DRG2: variants seen among roughly 807,000 people sequenced by gnomAD.
The protein encoded by DRG2 is developmentally regulated GTP binding protein 2.
Under a neutral mutation model 53.4 loss-of-function variants are expected in DRG2, and 36 were observed. That is an observed-to-expected ratio of 0.67 (90% confidence interval 0.52 to 0.89). The LOEUF is 0.89. DRG2 is among the 40% of genes least tolerant of loss of function. The pLI is 0.00. For synonymous variants in DRG2, 167 were observed against 192.1 expected, an observed-to-expected ratio of 0.87 and a Z score of 1.08; for missense variants, 342 against 481.2, an observed-to-expected ratio of 0.71 and a Z score of 2.71.
intron 1 of DRG2, among the ~76,000 whole-genome samples, chr17:18,090,188 T>A (rs1447735245): frequency 2.5e-5 from 1 of 39,628 alleles, no homozygotes; most frequent in East Asian, 2.2e-3. Context: ...CACTGAATCC[T>A]TTTTTTTTTT....
chr17:18,106,565 ACT>A, intron 12 of DRG2, 79 bp downstream of exon 12: 2 of 1,501,786 alleles, frequency 1.3e-6, no homozygotes, highest in Non-Finnish European at 1.8e-6. Flanking sequence ...AGGCATTCAC[ACT>A]CTCTGCGTGG....
chr17:18,098,433 G>GTGTGTGAGTC lies in DRG2; in HGVS notation c.315+77_315+86dup. 1 of 1,367,824 alleles carries GTGTGTGAGTC rather than the reference G, an allele frequency of 7.3e-7. No individual in the cohort carries two copies. The highest frequency in any genetic ancestry group is 1.0e-6 in the Non-Finnish European group (1 of 959,708). The allele number at this position is 1,367,824 out of a possible 1,614,324, so 84.7% of individuals were successfully genotyped here. On this transcript the variant is annotated intron_variant, in intron 3 of 12. Transcript: ENST00000225729. The surrounding 1 kb of genome is among the most constrained non-coding windows in gnomAD (Gnocchi z 4.1). ...TTGGACTTGTGCCTGTGCCCACCCTGTGTGTGAGTCTGGGTGGATGTCCCC... is the reference window on the plus strand; with the variant it reads ...TTGGACTTGTGCCTGTGCCCACCCTGTGTGTGAGTCTGTGTGAGTCTGGGTGGATGTCCCC...
At position 18,107,751 on chromosome 17, in the gene DRG2, T is replaced by C. The variant is rs768405245; in HGVS notation, c.*511T>C. 39 of 167,556 alleles carry C rather than the reference T, an allele frequency of 2.3e-4. 1 individual carries two copies. Among genetic ancestry groups the C allele is most frequent in the Admixed American group, 4.5e-4 (8 of 17,866 alleles). 10.4% of individuals were successfully genotyped at this position (167,556 alleles called of 1,614,324 possible). A position where few individuals can be genotyped will look rare whatever the true frequency, so the allele number is the denominator to read the frequency against. Reference sequence around the variant, plus strand: ...GCTCTCCATGATGGGAACCAGTGGTTAGTGGCTTCAAAGGCCCAGCTGACA... The same window carrying C: ...GCTCTCCATGATGGGAACCAGTGGTCAGTGGCTTCAAAGGCCCAGCTGACA... On this transcript the variant is annotated 3_prime_UTR_variant, in exon 13 of 13. Coordinates refer to ENST00000225729, the MANE Select transcript of DRG2 (RefSeq NM_001388.5).
rs970370181 is a variant in DRG2 at position 18,107,600 on chromosome 17, C to A, written c.*360C>A. On this transcript the variant is annotated 3_prime_UTR_variant, in exon 13 of 13. Coordinates refer to ENST00000225729, the MANE Select transcript of DRG2 (RefSeq NM_001388.5). The stretch of plus-strand genomic sequence containing the variant: ...CTCAGTGCCAGGCTGGTAGCTGGGC[C>A]TGTTTGGGTCCCTGGAGGCTGTGGC... The A allele has an allele frequency of 3.9e-6, 1 of 257,824 alleles. No homozygotes were observed. The highest frequency in any genetic ancestry group is 2.2e-5 in the African/African-American group (1 of 45,808). 16.0% of individuals were successfully genotyped at this position (257,824 alleles called of 1,614,324 possible). A position where few individuals can be genotyped will look rare whatever the true frequency, so the allele number is the denominator to read the frequency against.
rs1299108678 is a variant in DRG2, at chr17:18,101,565, A to G, written c.704A>G (p.Asn235Ser). 1 of 1,614,132 alleles carries G rather than the reference A, an allele frequency of 6.2e-7. No homozygotes were observed. Among genetic ancestry groups the G allele is most frequent in the Non-Finnish European group, 8.5e-7 (1 of 1,180,026 alleles). ...PDEFIDVIVG[N>S]RVYMPCLYVY... ...GAGTTCATCGATGTGATCGTGGGCA[A>G]CCGGGTGTACATGCCCTGCCTGTAT... is the stretch of plus-strand genomic sequence containing the variant. Residue 235 changes from asparagine (N) to serine (S), a missense_variant, in exon 8 of 13, where the codon AAC (asparagine) becomes AGC (serine). Physicochemically the swap from Asn to Ser is conservative, Grantham distance 46. Transcript: ENST00000225729.
At position 18,098,899 on chromosome 17, in the gene DRG2, C is replaced by A; in HGVS notation, c.316-118C>A. On this transcript the variant is annotated intron_variant, in intron 3 of 12. Transcript: ENST00000225729. The surrounding 1 kb of genome is among the most constrained non-coding windows in gnomAD (Gnocchi z 4.1). The stretch of plus-strand genomic sequence containing the variant: ...AGGCTCAGACTTGGCCACAGGTTGG[C>A]ATCTGGGTTTCCCTCAGCCCCTGAG... 1 of 1,159,174 alleles carries A rather than the reference C, an allele frequency of 8.6e-7. No homozygotes were observed. Among genetic ancestry groups the A allele is most frequent in the Non-Finnish European group, 1.2e-6 (1 of 803,746 alleles). The allele number at this position is 1,159,174 out of a possible 1,614,324, so 71.8% of individuals were successfully genotyped here. A position where few individuals can be genotyped will look rare whatever the true frequency, so the allele number is the denominator to read the frequency against.
rs1440414427 is a variant in DRG2 at position 18,103,589 on chromosome 17, G to A, written c.807-212G>A. On this transcript the variant is annotated intron_variant, in intron 9 of 12. Transcript: ENST00000225729. The surrounding 1 kb of genome is among the most constrained non-coding windows in gnomAD (Gnocchi z 4.4). ...AGGCTTGCCAGCCCCTAGGAGAGAT[G>A]CTGACCCTGGTTGAGTGTGACCATG... 6.6e-6 allele frequency among the ~76,000 whole-genome samples: 1 copy of A among 152,224 alleles called. No homozygotes were observed. The highest frequency in any genetic ancestry group is 1.9e-4 in the East Asian group (1 of 5,192).
rs924135044 is a variant in DRG2 at position 18,087,995 on chromosome 17, C to A, written c.-29C>A. 3 of 1,545,724 alleles carry A rather than the reference C, an allele frequency of 1.9e-6. No homozygotes were observed. The highest frequency in any genetic ancestry group is 1.4e-5 in the African/African-American group (1 of 72,780). On this transcript the variant is annotated 5_prime_UTR_variant, in exon 1 of 13. The change creates a new upstream start codon in the 5' untranslated region. Coordinates refer to ENST00000225729, the MANE Select transcript of DRG2 (RefSeq NM_001388.5). ...GGAATTGCCGGTGCCGCCGCCACCG[C>A]TGTCTGTGCGCCCACCTCTGCTGCT...
chr17:18,090,368 TTATATATATATATATATATA>T lies in DRG2; in HGVS notation c.64+2301_64+2320del, dbSNP rs1242491729. On this transcript the variant is annotated intron_variant, in intron 1 of 12. Transcript: ENST00000225729. ...GTGTGCACCACCACACCGGGCTAAT[TTATATATATATATATATATA>T]TATATATATATATATATATTTTTTT... 9.0e-3 allele frequency among the ~76,000 whole-genome samples: 229 copies of T among 25,496 alleles called. 6 individuals carry two copies. Among genetic ancestry groups the T allele is most frequent in the South Asian group, 0.022 (12 of 540 alleles). 16.7% of individuals were successfully genotyped at this position (25,496 alleles called of 152,430 possible).
Position 18,107,637 on chromosome 17 carries a change from C to T in DRG2, c.*397C>T. The T allele has an allele frequency of 4.6e-6, 1 of 217,410 alleles. No individual in the cohort carries two copies. Among genetic ancestry groups the T allele is most frequent in the South Asian group, 8.0e-5 (1 of 12,462 alleles). The allele number at this position is 217,410 out of a possible 1,614,324, so 13.5% of individuals were successfully genotyped here. ...CTGGAGGCTGTGGCTGCTGTCATGG[C>T]ACCTCACTCCCTCAGCTCTTGCCAG... On this transcript the variant is annotated 3_prime_UTR_variant, in exon 13 of 13. Coordinates refer to ENST00000225729, the MANE Select transcript of DRG2 (RefSeq NM_001388.5).
rs1223291314 is a variant in DRG2, at chr17:18,098,196, C to T, written c.226-74C>T. The T allele has an allele frequency of 7.7e-7, 1 of 1,294,646 alleles. No homozygotes were observed. Among genetic ancestry groups the T allele is most frequent in the South Asian group, 1.2e-5 (1 of 82,968 alleles). 80.2% of individuals were successfully genotyped at this position (1,294,646 alleles called of 1,614,324 possible). A position where few individuals can be genotyped will look rare whatever the true frequency, so the allele number is the denominator to read the frequency against. Reference sequence around the variant, plus strand: ...TCCTCCTGCTGCCTGCACCTGCAGGCCCCCAGCCCCTGGGGCCTCTCCCAG... The same window carrying T: ...TCCTCCTGCTGCCTGCACCTGCAGGTCCCCAGCCCCTGGGGCCTCTCCCAG... On this transcript the variant is annotated intron_variant, in intron 2 of 12. Transcript: ENST00000225729. This position sits in a 1 kb window ranked among gnomAD's most constrained non-coding sequence, Gnocchi z 4.1.
In DRG2 at chr17:18,098,173, C is replaced by T; in HGVS notation, c.226-97C>T. 1 of 987,242 alleles carries T rather than the reference C, an allele frequency of 1.0e-6. No individual in the cohort carries two copies. The highest frequency in any genetic ancestry group is 1.4e-5 in the South Asian group (1 of 73,142). The allele number at this position is 987,242 out of a possible 1,614,324, so 61.2% of individuals were successfully genotyped here. On this transcript the variant is annotated intron_variant, in intron 2 of 12. Coordinates refer to ENST00000225729, the MANE Select transcript of DRG2 (RefSeq NM_001388.5). The surrounding 1 kb of genome is among the most constrained non-coding windows in gnomAD (Gnocchi z 4.1). The stretch of plus-strand genomic sequence containing the variant: ...ACCAAGCCGAGGGTGAGAGGGTCTC[C>T]TCCTGCTGCCTGCACCTGCAGGCCC...
At chr17:18,090,399 T>C (rs2045308066) in intron 1 of DRG2, among the ~76,000 whole-genome samples, 1 of 15,872 alleles carries the variant, frequency 6.3e-5, no homozygotes, top group South Asian at 4.0e-3. Flanking sequence ...TATATATATA[T>C]ATATATATTT....
At chr17:18,101,676 G>A in intron 8 of DRG2, 86 bp downstream of exon 8, 1 of 1,375,182 alleles carries the variant, frequency 7.3e-7, no homozygotes, top group Non-Finnish European at 1.0e-6. Flanking sequence ...TGTGAGAGAA[G>A]CAGAAAGAGT....
intron 1 of DRG2, among the ~76,000 whole-genome samples, chr17:18,090,146 G>C (rs1002274861): frequency 6.7e-6 from 1 of 150,032 alleles, no homozygotes; most frequent in Non-Finnish European, 1.5e-5. Context: ...TAGGAGCTGG[G>C]ATGACAGGAA....
intron 1 of DRG2, 117 bp from the exon 2 acceptor site, chr17:18,093,696 T>G: frequency 8.2e-7 from 1 of 1,218,138 alleles, no homozygotes; most frequent in Non-Finnish European, 1.1e-6. Flanking sequence ...TTTTTTCTCC[T>G]GATCTCCTTG....
rs376629121 is a variant in DRG2, at chr17:18,106,237, C to T, written c.955-196C>T. 21 of 605,292 alleles carry T rather than the reference C, an allele frequency of 3.5e-5. No individual in the cohort carries two copies. In the African/African-American group the frequency reaches 3.8e-4, roughly 11 times the overall value. The allele number at this position is 605,292 out of a possible 1,614,324, so 37.5% of individuals were successfully genotyped here. On this transcript the variant is annotated intron_variant, in intron 11 of 12. Coordinates refer to ENST00000225729, the MANE Select transcript of DRG2 (RefSeq NM_001388.5). The stretch of plus-strand genomic sequence containing the variant: ...CAGATCAGGAGTGGGAATGGCAGGG[C>T]CACCTGCAGCTGTGATTGGGTGGCT...
chr17:18,104,580 G>C (rs1567606749), intron 10 of DRG2, 43 bp from the exon 11 acceptor site: 15 of 1,613,278 alleles, frequency 9.3e-6, no homozygotes, highest in Non-Finnish European at 1.3e-5. Context: ...TGGCAGTGTG[G>C]GCCCTGATGT....
At chr17:18,092,408 T>G (rs1267883451) in intron 1 of DRG2, among the ~76,000 whole-genome samples, 2 of 152,154 alleles carry the variant, frequency 1.3e-5, no homozygotes, top group Non-Finnish European at 2.9e-5. Flanking sequence ...ATCGTGCCAC[T>G]GAACTCTAGT....
Sources: gnomAD v4.1 joint callset for allele counts (sites outside exome capture counted in the v4.1 genomes callset) on GRCh38, gnomAD v4.1.1 for gene constraint, Gnocchi (gnomAD v3.1) non-coding constraint, MANE v1.5 for transcripts, NCBI Gene and HGNC (gene_info 2026-07-23, HGNC 2026-07-21) for gene names.